GRIN2A: variants seen among roughly 807,000 people sequenced by gnomAD.
GRIN2A encodes the protein glutamate ionotropic receptor NMDA type subunit 2A.
In GRIN2A, 22 loss-of-function variants were observed where a neutral mutation model predicts 113.4. That is an observed-to-expected ratio of 0.19 (90% CI 0.14 to 0.28). The LOEUF is 0.28. GRIN2A is among the 10% of genes least tolerant of loss of function. GRIN2A has a pLI of 1.00. For synonymous variants in GRIN2A, 827 were observed against 738.4 expected, an observed-to-expected ratio of 1.12 and a Z score of -1.94; for missense variants, 1,502 against 1,887.0, an observed-to-expected ratio of 0.80 and a Z score of 3.78.
intron 2 of GRIN2A, among the ~76,000 whole-genome samples, chr16:10,088,636 C>G (rs1001738812): frequency 6.6e-6 from 1 of 152,328 alleles, no homozygotes; most frequent in Non-Finnish European, 1.5e-5. Flanking sequence ...ATGTTTCCTC[C>G]CTAGAGGAGT....
intron 2 of GRIN2A, among the ~76,000 whole-genome samples, chr16:10,036,492 T>C (rs1596449408): frequency 7.5e-6 from 1 of 133,476 alleles, no homozygotes; most frequent in African/African-American, 2.7e-5. Context: ...GGATTCTCAC[T>C]CTGTCACCCA....
intron 3 of GRIN2A, among the ~76,000 whole-genome samples, chr16:9,936,691 C>A (rs1317486210): frequency 6.6e-6 from 1 of 152,164 alleles, no homozygotes; most frequent in African/African-American, 2.4e-5. Flanking sequence ...GATACATTCA[C>A]ATAATGGAAT....
chr16:10,114,277 T>C (rs1596521154), intron 2 of GRIN2A, among the ~76,000 whole-genome samples: 1 of 152,302 alleles, frequency 6.6e-6, no homozygotes, highest in East Asian at 1.9e-4. Flanking sequence ...GCAATGCCAA[T>C]GCTAAACACT....
At chr16:9,982,194 C>A (rs993248954) in intron 2 of GRIN2A, among the ~76,000 whole-genome samples, 1 of 152,118 alleles carries the variant, frequency 6.6e-6, no homozygotes, top group African/African-American at 2.4e-5. Flanking sequence ...GATGACATGC[C>A]CATGATGTCA....
chr16:9,812,079 G>A lies in GRIN2A; in HGVS notation c.2168+10185C>T, dbSNP rs183636127. Among the ~76,000 whole-genome samples the A allele has an allele frequency of 2.6e-3, 401 of 152,220 alleles. 1 individual carries two copies. The highest frequency in any genetic ancestry group is 9.1e-3 in the African/African-American group (378 of 41,544). Reference sequence around the variant, plus strand: ...TGCATAATGGTGGGCCATTAGAAACGGCCTTAATTGTGGAATATTATGAGA... The same window carrying A: ...TGCATAATGGTGGGCCATTAGAAACAGCCTTAATTGTGGAATATTATGAGA... On this transcript the variant is annotated intron_variant, in intron 10 of 12. Coordinates refer to ENST00000330684, the MANE Select transcript of GRIN2A (RefSeq NM_001134407.3).
chr16:9,985,818 G>A (rs2045969492), intron 2 of GRIN2A, among the ~76,000 whole-genome samples: 1 of 151,970 alleles, frequency 6.6e-6, no homozygotes, highest in African/African-American at 2.4e-5. Context: ...ACAATTTATT[G>A]TACATTAAAG....
At chr16:9,987,494 T>C (rs764487073) in intron 2 of GRIN2A, among the ~76,000 whole-genome samples, 30 of 152,220 alleles carry the variant, frequency 2.0e-4, no homozygotes, top group Admixed American at 9.2e-4. Flanking sequence ...CCAAATGCAG[T>C]AAAATAAATG....
At chr16:9,903,347 C>T (rs916126348) in intron 3 of GRIN2A, among the ~76,000 whole-genome samples, 9 of 152,190 alleles carry the variant, frequency 5.9e-5, no homozygotes, top group Non-Finnish European at 1.3e-4. Context: ...GAGGATTCCA[C>T]TTTCACACAT....
intron 4 of GRIN2A, among the ~76,000 whole-genome samples, chr16:9,857,355 T>A (rs913564317): frequency 6.6e-6 from 1 of 152,216 alleles, no homozygotes; most frequent in African/African-American, 2.4e-5. Context: ...TAATGTCAGG[T>A]GTTAATAATC....
intron 4 of GRIN2A, among the ~76,000 whole-genome samples, chr16:9,880,520 C>G (rs1281936454): frequency 6.6e-6 from 1 of 152,194 alleles, no homozygotes. Context: ...TCAAAGTCAA[C>G]TGAGAAGTCC....
At chr16:10,042,173 C>G (rs909482288) in intron 2 of GRIN2A, among the ~76,000 whole-genome samples, 2 of 152,286 alleles carry the variant, frequency 1.3e-5, no homozygotes, top group South Asian at 4.2e-4. Flanking sequence ...TAAAATATGT[C>G]TGCAAATTTT....
At chr16:10,154,804 C>A (rs2049654850) in intron 2 of GRIN2A, among the ~76,000 whole-genome samples, 1 of 152,108 alleles carries the variant, frequency 6.6e-6, no homozygotes, top group Admixed American at 6.5e-5. Flanking sequence ...GCAGCACAGA[C>A]AAGTGCCAGA....
At chr16:9,831,352 A>G (rs182298809) in intron 8 of GRIN2A, among the ~76,000 whole-genome samples, 1 of 152,232 alleles carries the variant, frequency 6.6e-6, no homozygotes, top group Admixed American at 6.5e-5. Context: ...AAGTCATTGC[A>G]GTCCTTTCTC....
intron 2 of GRIN2A, among the ~76,000 whole-genome samples, chr16:10,071,972 T>C (rs190416449): frequency 2.7e-4 from 41 of 152,298 alleles, no homozygotes; most frequent in African/African-American, 8.7e-4. Flanking sequence ...AGAGCTAAAA[T>C]TCAAACCAGG....
chr16:10,090,262 G>A (rs547621742), intron 2 of GRIN2A, among the ~76,000 whole-genome samples: 73 of 152,114 alleles, frequency 4.8e-4, no homozygotes, highest in African/African-American at 1.7e-3. Flanking sequence ...AAAAACAATG[G>A]TGAAGGACTT....
chr16:9,797,539 T>C (rs572511060), intron 11 of GRIN2A, among the ~76,000 whole-genome samples: 1 of 152,174 alleles, frequency 6.6e-6, no homozygotes, highest in African/African-American at 2.4e-5. Flanking sequence ...GCAATAGAGA[T>C]TGCCTTTCCT....
chr16:10,057,487 T>C (rs2047476458), intron 2 of GRIN2A, among the ~76,000 whole-genome samples: 1 of 152,082 alleles, frequency 6.6e-6, no homozygotes, highest in Non-Finnish European at 1.5e-5. Flanking sequence ...AGTAAATATA[T>C]ATTTATCAAT....
intron 11 of GRIN2A, among the ~76,000 whole-genome samples, chr16:9,787,398 G>A (rs1327294790): frequency 6.6e-6 from 1 of 152,058 alleles, no homozygotes; most frequent in Non-Finnish European, 1.5e-5. Flanking sequence ...TTTTACTTGT[G>A]CCCCACCCTC....
intron 7 of GRIN2A, among the ~76,000 whole-genome samples, chr16:9,839,592 C>T (rs186960870): frequency 5.9e-5 from 9 of 152,288 alleles, no homozygotes; most frequent in Non-Finnish European, 7.4e-5. Flanking sequence ...TTCACTCTTA[C>T]ATCTAGCAAA....
Sources: gnomAD v4.1 joint callset for allele counts (sites outside exome capture counted in the v4.1 genomes callset) on GRCh38, gnomAD v4.1.1 for gene constraint, MANE v1.5 for transcripts, NCBI Gene and HGNC (gene_info 2026-07-23, HGNC 2026-07-21) for gene names.